GABRR1: variants seen among roughly 807,000 people sequenced by gnomAD.
GABRR1 encodes gamma-aminobutyric acid type A receptor subunit rho1, also known as gamma-aminobutyric acid receptor subunit rho-1.
GABRR1 carries 59 observed loss-of-function variants against 55.5 expected under a neutral mutation model. The observed-to-expected ratio is 1.06, with a 90% CI of 0.86 to 1.32. The LOEUF (loss-of-function observed/expected upper bound fraction) is 1.32, where lower values mean the gene tolerates loss of function less well. Among genes scored for constraint, GABRR1 ranks in the 40% most tolerant of loss-of-function variants. The pLI is 0.00. For synonymous variants in GABRR1, 213 were observed against 226.0 expected, an observed-to-expected ratio of 0.94 and a Z score of 0.51; for missense variants, 602 against 619.1, an observed-to-expected ratio of 0.97 and a Z score of 0.29.
chr6:89,209,790 T>C (rs565769178), intron 1 of GABRR1, among the ~76,000 whole-genome samples: 1 of 152,276 alleles, frequency 6.6e-6, no homozygotes, highest in African/African-American at 2.4e-5. Context: ...AGCCACAAAC[T>C]AGCTGTTAAC....
exon 1 of GABRR1, chr6:89,231,229 C>A (rs190284547): frequency 6.4e-6 from 1 of 155,490 alleles, no homozygotes; most frequent in African/African-American, 2.4e-5. Context: ...TCTTCTGCGT[C>A]GCTCACGCTG....
intron 1 of GABRR1, among the ~76,000 whole-genome samples, chr6:89,209,268 TTTTAA>T (rs2127804815): frequency 6.6e-6 from 1 of 152,308 alleles, no homozygotes; most frequent in African/African-American, 2.4e-5. Flanking sequence ...ACTTTATTTT[TTTTAA>T]TTTAAAGCTC....
intron 2 of GABRR1, among the ~76,000 whole-genome samples, chr6:89,202,956 C>T (rs1366628207): frequency 6.6e-6 from 1 of 152,172 alleles, no homozygotes; most frequent in African/African-American, 2.4e-5. Flanking sequence ...CTGCAAGCAA[C>T]TCCCACCTAG....
At chr6:89,211,705 A>C (rs1005856565) in intron 1 of GABRR1, among the ~76,000 whole-genome samples, 7 of 152,082 alleles carry the variant, frequency 4.6e-5, no homozygotes, top group Admixed American at 6.6e-5. Context: ...ACTGGTGAAG[A>C]GCTCATTGCC....
intron 5 of GABRR1, among the ~76,000 whole-genome samples, chr6:89,196,867 GAA>G (rs770657677): frequency 3.9e-5 from 5 of 127,010 alleles, no homozygotes; most frequent in African/African-American, 1.5e-4. Flanking sequence ...AAGAAAGAAA[GAA>G]AGAAAGAAAG....
intron 7 of GABRR1, among the ~76,000 whole-genome samples, chr6:89,183,396 ATG>A (rs1165993890): frequency 6.6e-6 from 1 of 152,182 alleles, no homozygotes; most frequent in Non-Finnish European, 1.5e-5. Flanking sequence ...AGGAGATAAT[ATG>A]TGCTGGGTTG....
chr6:89,201,015 G>C (rs1293441828), intron 3 of GABRR1, 144 bp downstream of exon 3: 3 of 653,706 alleles, frequency 4.6e-6, no homozygotes, highest in African/African-American at 3.6e-5. Flanking sequence ...AAAATGTACT[G>C]TGGGCTCGAT....
intron 5 of GABRR1, among the ~76,000 whole-genome samples, chr6:89,190,624 C>T (rs763884315): frequency 1.3e-5 from 2 of 152,124 alleles, no homozygotes; most frequent in Non-Finnish European, 2.9e-5. Flanking sequence ...AATTCCAGTT[C>T]TTTTGTTCTT....
At chr6:89,180,260 G>C (rs766703596) in intron 9 of GABRR1, 32 bp downstream of exon 9, 13 of 1,603,336 alleles carry the variant, frequency 8.1e-6, no homozygotes, top group Non-Finnish European at 8.5e-6. Context: ...GTTCCATCCT[G>C]ACCAGACACT....
rs1377361867 is a variant in GABRR1 at position 89,178,839 on chromosome 6, T to A, written c.1371A>T (p.Lys457Asn). 3.7e-6 allele frequency: 6 copies of A among 1,614,154 alleles called. No homozygotes were observed. Among genetic ancestry groups the A allele is most frequent in the South Asian group, 2.2e-5 (2 of 91,092 alleles). The change falls in exon 10 of 10, where the codon AAA (lysine) becomes AAT (asparagine). Residue 457 changes from lysine to asparagine, a missense_variant. Lys to Asn is a moderately conservative substitution (Grantham distance 94). This residue lies in a region of GABRR1 where 139 missense variants were observed against 141.1 expected (regional missense o/e 0.99). Transcript: ENST00000454853. ...SMRIDTHAID[K>N]YSRIIFPAAY... is the part of the protein sequence containing the mutation. Reference sequence around the variant, plus strand: ...CTGCTGGAAAGATGATCCTGGAGTATTTATCAATGGCGTGGGTGTCGATTC... The same window carrying A: ...CTGCTGGAAAGATGATCCTGGAGTAATTATCAATGGCGTGGGTGTCGATTC...
intron 1 of GABRR1, among the ~76,000 whole-genome samples, chr6:89,216,232 A>G (rs12205354): frequency 0.36 from 55,103 of 152,128 alleles, 10,600 homozygotes; most frequent in African/African-American, 0.47. Flanking sequence ...CAGCCCCAGA[A>G]GGAGGACACT....
At chr6:89,202,532 ATCCACCCACCTCAGCC>A (rs1324872508) in intron 2 of GABRR1, among the ~76,000 whole-genome samples, 4 of 151,816 alleles carry the variant, frequency 2.6e-5, no homozygotes, top group Non-Finnish European at 5.9e-5. Context: ...GCCTCAAGTG[ATCCACCCACCTCAGCC>A]TCCCAAAGTG....
intron 1 of GABRR1, among the ~76,000 whole-genome samples, chr6:89,206,306 A>G (rs1772641086): frequency 6.6e-6 from 1 of 152,128 alleles, no homozygotes; most frequent in Admixed American, 6.6e-5. Flanking sequence ...TAAGGCCCAT[A>G]ATAAGGCTCC....
At position 89,198,683 on chromosome 6, in the gene GABRR1, C is replaced by T. The variant is rs574208721; in HGVS notation, c.349-440G>A. Among the ~76,000 whole-genome samples the T allele has an allele frequency of 1.2e-4, 18 of 152,282 alleles. 1 individual carries two copies. In the South Asian group the frequency reaches 3.5e-3, roughly 30 times the overall value. ...GTGTTCTTCAGTGACTCCCAGAGTA[C>T]TCCAGTGGCACTGAGTTCTGTGGTT... On this transcript the variant is annotated intron_variant, in intron 4 of 9. Coordinates refer to ENST00000454853, the MANE Select transcript of GABRR1 (RefSeq NM_002042.5).
intron 1 of GABRR1, among the ~76,000 whole-genome samples, chr6:89,230,865 G>A (rs1019033795): frequency 9.3e-5 from 14 of 149,840 alleles, no homozygotes; most frequent in Non-Finnish European, 1.8e-4. Flanking sequence ...CCCCAGCCTC[G>A]CTGCCGCCTT....
chr6:89,225,982 T>C (rs1486578034), intron 1 of GABRR1, among the ~76,000 whole-genome samples: 1 of 151,414 alleles, frequency 6.6e-6, no homozygotes, highest in African/African-American at 2.4e-5. Flanking sequence ...TGGTATCTCA[T>C]AGTGGTCTTG....
intron 1 of GABRR1, among the ~76,000 whole-genome samples, chr6:89,212,605 G>A (rs1247534140): frequency 6.6e-6 from 1 of 152,168 alleles, no homozygotes; most frequent in Non-Finnish European, 1.5e-5. Flanking sequence ...GACAAGTTAT[G>A]TTTCCATTCT....
At chr6:89,203,834 C>T (rs112790540) in intron 1 of GABRR1, among the ~76,000 whole-genome samples, 13 of 152,320 alleles carry the variant, frequency 8.5e-5, no homozygotes, top group East Asian at 3.9e-4. Flanking sequence ...ACCCTCATTA[C>T]GGAGAGTAAC....
At chr6:89,213,203 T>C (rs1772881982) in intron 1 of GABRR1, among the ~76,000 whole-genome samples, 1 of 152,138 alleles carries the variant, frequency 6.6e-6, no homozygotes, top group Admixed American at 6.6e-5. Context: ...TCCTTCAGTT[T>C]TGCACCCTAG....
Sources: allele counts gnomAD v4.1 joint callset (sites outside exome capture counted in the v4.1 genomes callset), GRCh38; gene constraint gnomAD v4.1.1; regional missense constraint gnomAD v4.1.1; transcripts MANE v1.5; gene names NCBI Gene and HGNC (gene_info 2026-07-23, HGNC 2026-07-21).